Variants in GRID2 observed in about 807,000 individuals in gnomAD.
The protein encoded by GRID2 is glutamate ionotropic receptor delta type subunit 2.
Under a neutral mutation model 114.8 loss-of-function variants are expected in GRID2, and 33 were observed. That is an observed-to-expected ratio of 0.29 (90% CI 0.22 to 0.38). The LOEUF (loss-of-function observed/expected upper bound fraction) is 0.38. Among genes scored for constraint, GRID2 ranks in the 10% least tolerant of loss-of-function variants. The pLI, the probability that GRID2 is intolerant of heterozygous loss-of-function variation, is 1.00. For missense variants in GRID2, 1,184 were observed against 1,257.7 expected (o/e 0.94, Z 0.89); for synonymous variants, 505 against 449.9 (o/e 1.12, Z -1.55).
chr4:92,865,866 T>C (rs1282475314), intron 2 of GRID2, among the ~76,000 whole-genome samples: 1 of 152,180 alleles, frequency 6.6e-6, no homozygotes, highest in South Asian at 2.1e-4. Context: ...ATACAAACAA[T>C]GACACTAACA....
chr4:92,448,374 C>T (rs1396285160), intron 1 of GRID2, among the ~76,000 whole-genome samples: 1 of 152,038 alleles, frequency 6.6e-6, no homozygotes, highest in Non-Finnish European at 1.5e-5. Context: ...ACTATCTTGG[C>T]CAGGCTGGTC....
At chr4:92,950,167 C>A (rs1751923990) in intron 2 of GRID2, among the ~76,000 whole-genome samples, 1 of 152,102 alleles carries the variant, frequency 6.6e-6, no homozygotes, top group Admixed American at 6.6e-5. Context: ...TGCATCACAC[C>A]TTCTACTGAA....
At chr4:93,018,637 A>G (rs999498521) in intron 2 of GRID2, among the ~76,000 whole-genome samples, 4 of 151,694 alleles carry the variant, frequency 2.6e-5, no homozygotes, top group Non-Finnish European at 5.9e-5. Flanking sequence ...CTCAAAATTG[A>G]GTATATCAAT....
chr4:93,107,904 A>G (rs896382615), intron 3 of GRID2, among the ~76,000 whole-genome samples: 5 of 152,096 alleles, frequency 3.3e-5, no homozygotes, highest in African/African-American at 1.2e-4. Context: ...GAAACTTTCA[A>G]TAGATTAAAG....
chr4:93,494,426 T>C lies in GRID2; in HGVS notation c.1997+3649T>C, dbSNP rs537914171. On this transcript the variant is annotated intron_variant, in intron 12 of 15. Transcript: ENST00000282020. Reference sequence around the variant, plus strand: ...TGAATTGATGGTTGACAGAAACTCTTCCACTTTGCTGGGAGCAATCTAATA... The same window carrying C: ...TGAATTGATGGTTGACAGAAACTCTCCCACTTTGCTGGGAGCAATCTAATA... 4.6e-5 allele frequency among the ~76,000 whole-genome samples: 7 copies of C among 151,818 alleles called. 1 individual carries two copies. Among genetic ancestry groups the C allele is most frequent in the African/African-American group, 1.7e-4 (7 of 41,482 alleles).
At chr4:92,925,022 C>A (rs1367304170) in intron 2 of GRID2, among the ~76,000 whole-genome samples, 2 of 151,964 alleles carry the variant, frequency 1.3e-5, no homozygotes, top group Non-Finnish European at 2.9e-5. Flanking sequence ...AGAGTCTTGC[C>A]ACATTTTAAC....
At chr4:92,780,537 T>C (rs907538772) in intron 2 of GRID2, among the ~76,000 whole-genome samples, 1 of 152,130 alleles carries the variant, frequency 6.6e-6, no homozygotes, top group African/African-American at 2.4e-5. Context: ...TTTAAATCAT[T>C]TAAACAATAA....
intron 2 of GRID2, among the ~76,000 whole-genome samples, chr4:92,844,040 T>TA (rs548936919): frequency 1.1e-4 from 16 of 152,114 alleles, no homozygotes; most frequent in African/African-American, 3.1e-4. Context: ...ACTGATTTAA[T>TA]AAAAAAACTT....
At chr4:92,668,080 A>G (rs932370131) in intron 2 of GRID2, among the ~76,000 whole-genome samples, 1 of 151,764 alleles carries the variant, frequency 6.6e-6, no homozygotes, top group Non-Finnish European at 1.5e-5. Context: ...GCTTAAGTGA[A>G]GCAGTTTGTT....
At chr4:92,828,195 A>G (rs1024997716) in intron 2 of GRID2, among the ~76,000 whole-genome samples, 22 of 152,186 alleles carry the variant, frequency 1.4e-4, no homozygotes, top group Middle Eastern at 3.4e-3. Context: ...AAATAGGACT[A>G]TACTGATTTT....
chr4:92,852,266 C>G (rs1286973072), intron 2 of GRID2, among the ~76,000 whole-genome samples: 3 of 151,660 alleles, frequency 2.0e-5, no homozygotes, highest in Non-Finnish European at 4.4e-5. Flanking sequence ...TCATCTTTAC[C>G]TTTTTTTCTC....
At chr4:93,520,007 AG>A (rs2149496921) in intron 13 of GRID2, among the ~76,000 whole-genome samples, 1 of 152,236 alleles carries the variant, frequency 6.6e-6, no homozygotes, top group Non-Finnish European at 1.5e-5. Flanking sequence ...CCAAGGCAAA[AG>A]ATTAGTCATA....
chr4:93,004,101 T>G (rs1425514897), intron 2 of GRID2, among the ~76,000 whole-genome samples: 1 of 151,920 alleles, frequency 6.6e-6, no homozygotes, highest in Admixed American at 6.6e-5. Flanking sequence ...ATGTGGTATA[T>G]GCAAAATATT....
intron 7 of GRID2, among the ~76,000 whole-genome samples, chr4:93,228,919 A>G (rs1318418719): frequency 6.6e-6 from 1 of 152,184 alleles, no homozygotes; most frequent in Non-Finnish European, 1.5e-5. Flanking sequence ...TTCAATATGT[A>G]AGATATTGCT....
intron 2 of GRID2, among the ~76,000 whole-genome samples, chr4:92,915,258 G>A (rs565980905): frequency 4.0e-4 from 61 of 152,222 alleles, no homozygotes; most frequent in Middle Eastern, 6.8e-3. Context: ...TGTCCTATTA[G>A]CCTTATTCTA....
At chr4:92,678,275 T>C (rs1351155019) in intron 2 of GRID2, among the ~76,000 whole-genome samples, 2 of 152,270 alleles carry the variant, frequency 1.3e-5, no homozygotes, top group South Asian at 2.1e-4. Flanking sequence ...TTCTGTGTTT[T>C]ATTTATTGGT....
chr4:92,546,349 TC>T (rs1236676750), intron 1 of GRID2, among the ~76,000 whole-genome samples: 2 of 152,194 alleles, frequency 1.3e-5, no homozygotes, highest in Non-Finnish European at 2.9e-5. Flanking sequence ...ATCACACTTT[TC>T]CCCATCGTGC....
chr4:92,713,122 A>G (rs1735337895), intron 2 of GRID2, among the ~76,000 whole-genome samples: 1 of 151,518 alleles, frequency 6.6e-6, no homozygotes, highest in South Asian at 2.1e-4. Context: ...CATTAGGTAT[A>G]TCTCCAAATG....
At chr4:93,418,193 T>G (rs889403262) in intron 9 of GRID2, among the ~76,000 whole-genome samples, 1 of 151,816 alleles carries the variant, frequency 6.6e-6, no homozygotes, top group African/African-American at 2.4e-5. Context: ...CACTTCTATT[T>G]CTTTATATGC....
Sources: allele counts gnomAD v4.1 joint callset (sites outside exome capture counted in the v4.1 genomes callset), GRCh38; gene constraint gnomAD v4.1.1; transcripts MANE v1.5; gene names NCBI Gene and HGNC (gene_info 2026-07-23, HGNC 2026-07-21).